HHIPL1: variants seen among roughly 807,000 people sequenced by gnomAD.
HHIPL1 encodes HHIP-like protein 1.
HHIPL1 carries 43 observed loss-of-function variants against 61.8 expected under a neutral mutation model. The ratio of observed to expected loss-of-function variants is 0.70; its 90% CI spans 0.55 to 0.90. The LOEUF (loss-of-function observed/expected upper bound fraction) is 0.90. Among genes scored for constraint, HHIPL1 ranks in the 40% least tolerant of loss-of-function variants. HHIPL1 has a pLI of 0.00. For synonymous variants in HHIPL1, 482 were observed against 515.8 expected, an observed-to-expected ratio of 0.93 and a Z score of 0.89; for missense variants, 1,056 against 1,157.7, an observed-to-expected ratio of 0.91 and a Z score of 1.28.
At position 99,675,132 on chromosome 14, in the gene HHIPL1, C is replaced by A; in HGVS notation, c.1855C>A (p.Arg619=). 1 of 1,124,468 alleles carries A rather than the reference C, an allele frequency of 8.9e-7. No homozygotes were observed. Among genetic ancestry groups the A allele is most frequent in the Non-Finnish European group, 1.1e-6 (1 of 910,398 alleles). The allele number at this position is 1,124,468 out of a possible 1,614,324, so 69.7% of individuals were successfully genotyped here. A position where few individuals can be genotyped will look rare whatever the true frequency, so the allele number is the denominator to read the frequency against. ...ACGGAGCACCCCGCGGCCTACAGCGCGGGCGCCCACGCGGGCGCCCCGCCG... is the reference window on the plus strand; with the variant it reads ...ACGGAGCACCCCGCGGCCTACAGCGAGGGCGCCCACGCGGGCGCCCCGCCG... The part of the protein sequence containing the change: ...KTRSTPRPTA[R]APTRAPRRGR... The change falls in exon 9 of 9, where the codon CGG becomes AGG. Residue 619 remains arginine (R), a synonymous_variant. Coordinates refer to ENST00000330710, the MANE Select transcript of HHIPL1 (RefSeq NM_001127258.3). The surrounding 1 kb of genome is among the most constrained non-coding windows in gnomAD (Gnocchi z 5.4).
chr14:99,626,743 C>G, the HHIPL1 span, among the ~76,000 whole-genome samples: 1 of 152,222 alleles, frequency 6.6e-6, no homozygotes, highest in Non-Finnish European at 1.5e-5. Flanking sequence ...ATACTCTATG[C>G]CTAGGTGACA....
chr14:99,620,648 ACTGT>A, the HHIPL1 span, among the ~76,000 whole-genome samples: 1 of 152,208 alleles, frequency 6.6e-6, no homozygotes, highest in Non-Finnish European at 1.5e-5. Flanking sequence ...GACAGGGGCC[ACTGT>A]GGGAAAGTCA....
At chr14:99,618,570 C>T in the HHIPL1 span, among the ~76,000 whole-genome samples, 1 of 152,268 alleles carries the variant, frequency 6.6e-6, no homozygotes, top group African/African-American at 2.4e-5. Context: ...CAGCCCTGAA[C>T]TGTGCGTACA....
the HHIPL1 span, among the ~76,000 whole-genome samples, chr14:99,633,813 G>A: frequency 1.1e-4 from 16 of 152,314 alleles, no homozygotes; most frequent in Non-Finnish European, 4.4e-5. Context: ...TGATGTCCAG[G>A]TGCTAGGATT....
chr14:99,633,714 A>G, the HHIPL1 span, among the ~76,000 whole-genome samples: 2 of 152,212 alleles, frequency 1.3e-5, no homozygotes, highest in African/African-American at 4.8e-5. Context: ...CCTCCCTTAC[A>G]GGGGCCACTG....
chr14:99,645,717 C>T (rs531300417), intron 1 of HHIPL1, among the ~76,000 whole-genome samples: 122 of 152,346 alleles, frequency 8.0e-4, no homozygotes, highest in Non-Finnish European at 2.4e-4. Context: ...GAAGGACGGA[C>T]GGACGGACAG....
chr14:99,672,483 C>A, intron 8 of HHIPL1, 84 bp downstream of exon 8: 1 of 1,172,694 alleles, frequency 8.5e-7, no homozygotes, highest in Non-Finnish European at 1.2e-6. Context: ...AGACTCGGGT[C>A]TTACCAGCTG....
At chr14:99,661,624 C>T (rs747513751) in intron 5 of HHIPL1, among the ~76,000 whole-genome samples, 1 of 152,098 alleles carries the variant, frequency 6.6e-6, no homozygotes, top group African/African-American at 2.4e-5. Context: ...TGTGCCACCA[C>T]GCTTGGCTAA....
intron 1 of HHIPL1, among the ~76,000 whole-genome samples, chr14:99,648,917 G>T (rs1035900704): frequency 3.9e-5 from 6 of 152,216 alleles, no homozygotes; most frequent in Admixed American, 3.3e-4. Flanking sequence ...ACATGGGGGT[G>T]GCAAACTCTG....
the HHIPL1 span, among the ~76,000 whole-genome samples, chr14:99,612,617 G>T: frequency 2.0e-5 from 3 of 152,186 alleles, no homozygotes; most frequent in Non-Finnish European, 4.4e-5. Flanking sequence ...CTTTCTTTGA[G>T]CCCAGCTGTG....
the HHIPL1 span, among the ~76,000 whole-genome samples, chr14:99,625,942 T>C: frequency 6.6e-6 from 1 of 152,152 alleles, no homozygotes; most frequent in Non-Finnish European, 1.5e-5. Context: ...CCCATCTGCA[T>C]AACAGTGCAA....
chr14:99,617,941 G>A, the HHIPL1 span, among the ~76,000 whole-genome samples: 2 of 152,320 alleles, frequency 1.3e-5, no homozygotes, highest in Non-Finnish European at 2.9e-5. Flanking sequence ...TTGGGGGTCT[G>A]TAGCAGATTT....
the HHIPL1 span, among the ~76,000 whole-genome samples, chr14:99,621,923 G>T: frequency 3.3e-5 from 5 of 151,882 alleles, no homozygotes; most frequent in Non-Finnish European, 7.4e-5. Flanking sequence ...CACCGTGTTG[G>T]CCAGGATAGT....
At chr14:99,621,065 A>T in the HHIPL1 span, among the ~76,000 whole-genome samples, 1 of 152,198 alleles carries the variant, frequency 6.6e-6, no homozygotes, top group Non-Finnish European at 1.5e-5. Flanking sequence ...ACCCTAGGTC[A>T]CCACCTGACC....
chr14:99,644,145 C>T (rs2055789401), upstream of HHIPL1, among the ~76,000 whole-genome samples: 1 of 152,148 alleles, frequency 6.6e-6, no homozygotes, highest in Non-Finnish European at 1.5e-5. Context: ...ATCTCATCCA[C>T]CCCCAGCTCT....
the HHIPL1 span, among the ~76,000 whole-genome samples, chr14:99,608,608 G>A: frequency 4.6e-5 from 7 of 152,168 alleles, no homozygotes; most frequent in Non-Finnish European, 7.3e-5. Flanking sequence ...ACCAGGTCTG[G>A]GCCAGACTAT....
At chr14:99,634,084 C>T in the HHIPL1 span, among the ~76,000 whole-genome samples, 6 of 152,190 alleles carry the variant, frequency 3.9e-5, no homozygotes, top group Non-Finnish European at 8.8e-5. Flanking sequence ...TCTGCAGAGG[C>T]GCGAGCACTC....
chr14:99,660,168 C>A lies in HHIPL1; in HGVS notation c.1376-112C>A. The A allele has an allele frequency of 7.7e-7, 1 of 1,305,862 alleles. No homozygotes were observed. The highest frequency in any genetic ancestry group is 1.1e-6 in the Non-Finnish European group (1 of 942,056). 80.9% of individuals were successfully genotyped at this position (1,305,862 alleles called of 1,614,324 possible). On this transcript the variant is annotated intron_variant, in intron 4 of 8. Coordinates refer to ENST00000330710, the MANE Select transcript of HHIPL1 (RefSeq NM_001127258.3). This position sits in a 1 kb window ranked among gnomAD's most constrained non-coding sequence, Gnocchi z 4.9. The stretch of plus-strand genomic sequence containing the variant: ...GGGCACGCCAGCCCTGCTGTGGGCA[C>A]GCCCCTCCCTCCGTGGCCGCCCCAC...
At chr14:99,637,212 GAA>G in the HHIPL1 span, among the ~76,000 whole-genome samples, 1 of 105,786 alleles carries the variant, frequency 9.5e-6, no homozygotes, top group Non-Finnish European at 2.1e-5. Context: ...AAGAAAGAAA[GAA>G]AGAAAGAAAG....
Sources: allele counts gnomAD v4.1 joint callset (sites outside exome capture counted in the v4.1 genomes callset), GRCh38; gene constraint gnomAD v4.1.1; non-coding constraint Gnocchi (gnomAD v3.1); transcripts MANE v1.5; gene names NCBI Gene and HGNC (gene_info 2026-07-23, HGNC 2026-07-21).